The following ANK2 variants were observed in gnomAD, a reference collection of about 807,000 sequenced individuals.
ANK2 encodes the protein ankyrin 2, also known as ankyrin-2.
Under a neutral mutation model 360.5 loss-of-function variants are expected in ANK2, and 83 were observed. The ratio of observed to expected loss-of-function variants is 0.23; its 90% CI spans 0.19 to 0.28. The LOEUF (loss-of-function observed/expected upper bound fraction) is 0.28. ANK2 is among the 10% of genes least tolerant of loss of function. The pLI is 1.00. For synonymous variants in ANK2, 1,740 were observed against 1,759.5 expected (o/e 0.99, Z 0.28); for missense variants, 4,201 against 4,795.7 (o/e 0.88, Z 3.66).
At chr4:112,779,088 C>T in the ANK2 span, among the ~76,000 whole-genome samples, 4 of 152,186 alleles carry the variant, frequency 2.6e-5, no homozygotes. Flanking sequence ...AGCGATCCTG[C>T]AACCCTTATT....
At chr4:112,753,260 A>G in the ANK2 span, among the ~76,000 whole-genome samples, 1 of 152,232 alleles carries the variant, frequency 6.6e-6, no homozygotes, top group African/African-American at 2.4e-5. Flanking sequence ...GAAATCTCCA[A>G]ACCCATAGAT....
intron 28 of ANK2, among the ~76,000 whole-genome samples, chr4:113,332,818 C>G (rs951109566): frequency 6.6e-6 from 1 of 152,240 alleles, no homozygotes; most frequent in Non-Finnish European, 1.5e-5. Flanking sequence ...GTCACATGCA[C>G]TCACAGGGAA....
At chr4:113,282,949 A>G in intron 18 of ANK2, 77 bp downstream of exon 18, 1 of 1,497,800 alleles carries the variant, frequency 6.7e-7, no homozygotes, top group Non-Finnish European at 9.3e-7. Context: ...ACAGTTTGGA[A>G]CAAAAAGGAG....
the ANK2 span, among the ~76,000 whole-genome samples, chr4:112,725,842 G>A: frequency 6.6e-6 from 1 of 152,066 alleles, no homozygotes; most frequent in African/African-American, 2.4e-5. Flanking sequence ...AAGAGTTCTC[G>A]AAGATTGGTA....
intron 1 of ANK2, chr4:113,071,979 T>C (rs1223796145): frequency 2.0e-5 from 3 of 152,176 alleles, no homozygotes; most frequent in Non-Finnish European, 4.4e-5. Flanking sequence ...AGCCATCAGA[T>C]CTCATGAGAA....
At chr4:113,253,842 G>C (rs574302656) in intron 10 of ANK2, among the ~76,000 whole-genome samples, 1 of 152,136 alleles carries the variant, frequency 6.6e-6, no homozygotes, top group East Asian at 1.9e-4. Flanking sequence ...TAATCCTGTT[G>C]CCCTAAACCT....
the ANK2 span, among the ~76,000 whole-genome samples, chr4:112,708,114 A>G: frequency 6.6e-6 from 1 of 152,240 alleles, no homozygotes. Context: ...CATTTGCCTG[A>G]AAGTGATTTT....
In ANK2 at chr4:113,258,404, C is replaced by G; in HGVS notation, c.1379C>G (p.Thr460Ser). The G allele has an allele frequency of 6.2e-7, 1 of 1,613,564 alleles. No homozygotes were observed. Among genetic ancestry groups the G allele is most frequent in the Non-Finnish European group, 8.5e-7 (1 of 1,179,514 alleles). Reference protein sequence around the residue: ...LLQNGASPDVTNIRGETALHM... With the variant: ...LLQNGASPDVSNIRGETALHM... Reference sequence around the variant, plus strand: ...CAGAACGGAGCCTCTCCAGATGTCACTAACATTGTGAGTATGGCTTGGGTC... The same window carrying G: ...CAGAACGGAGCCTCTCCAGATGTCAGTAACATTGTGAGTATGGCTTGGGTC... Residue 460 changes from threonine to serine, a missense_variant, in exon 13 of 46, where the codon ACT becomes AGT. Around this residue, in one of 4 missense-constraint regions of ANK2, gnomAD observed 1,268 missense variants for 1,650.8 expected, o/e 0.77. Coordinates refer to ENST00000357077, the MANE Select transcript of ANK2 (RefSeq NM_001148.6).
At chr4:112,860,074 TAG>T (rs1379089337) in intron 1 of ANK2, among the ~76,000 whole-genome samples, 1 of 152,198 alleles carries the variant, frequency 6.6e-6, no homozygotes, top group Non-Finnish European at 1.5e-5. Flanking sequence ...GTGTCATTAT[TAG>T]AGTGTTCTGT....
intron 2 of ANK2, among the ~76,000 whole-genome samples, chr4:112,958,775 T>G (rs1374616823): frequency 6.6e-6 from 1 of 152,222 alleles, no homozygotes; most frequent in African/African-American, 2.4e-5. Context: ...GTTTATTCCT[T>G]CTCAATGATA....
At position 113,318,530 on chromosome 4, in the gene ANK2, C is replaced by T. The variant is rs2153837134; in HGVS notation, c.2810C>T (p.Ala937Val). Residue 937 changes from alanine (A) to valine (V), a missense_variant, in exon 26 of 46, where the codon GCC (alanine) becomes GTC (valine). Transcript: ENST00000357077. Reference protein sequence around the residue: ...VIPSHQVSTLAKEAERNSYRL... With the variant: ...VIPSHQVSTLVKEAERNSYRL... ...CTTTGTGTTTAGGTGTCAACTCTAG[C>T]CAAGGAGGCAGAAAGGAATTCTTAT... 1 of 1,613,540 alleles carries T rather than the reference C, an allele frequency of 6.2e-7. No individual in the cohort carries two copies. Among genetic ancestry groups the T allele is most frequent in the Admixed American group, 1.7e-5 (1 of 59,962 alleles).
At chr4:112,880,312 C>T (rs923090389) in intron 1 of ANK2, 3 of 152,198 alleles carry the variant, frequency 2.0e-5, no homozygotes, top group South Asian at 4.1e-4. Flanking sequence ...ATATTTCCAT[C>T]GTTACAGAAA....
chr4:113,121,528 T>C (rs1156866463), intron 1 of ANK2, among the ~76,000 whole-genome samples: 3 of 152,172 alleles, frequency 2.0e-5, no homozygotes, highest in African/African-American at 7.2e-5. Flanking sequence ...CACCAAAATA[T>C]TTCATGAGAT....
intron 1 of ANK2, among the ~76,000 whole-genome samples, chr4:112,847,450 T>C (rs1040263145): frequency 6.6e-6 from 1 of 152,204 alleles, no homozygotes; most frequent in South Asian, 2.1e-4. Context: ...GCTACCACTG[T>C]CTATGTCTAT....
At chr4:112,773,765 C>A in the ANK2 span, among the ~76,000 whole-genome samples, 1 of 151,982 alleles carries the variant, frequency 6.6e-6, no homozygotes, top group Non-Finnish European at 1.5e-5. Context: ...AAATCTTTAT[C>A]CACCTAAGTA....
intron 1 of ANK2, among the ~76,000 whole-genome samples, chr4:112,852,138 T>A (rs2065151320): frequency 6.6e-6 from 1 of 152,250 alleles, no homozygotes; most frequent in Non-Finnish European, 1.5e-5. Context: ...ATTGCTCTAA[T>A]ACGTATTATC....
intron 39 of ANK2, 91 bp downstream of exon 39, chr4:113,360,988 T>C (rs2096182698): frequency 2.6e-6 from 3 of 1,155,494 alleles, no homozygotes; most frequent in Non-Finnish European, 3.8e-6. Flanking sequence ...CCCCCCACTT[T>C]CTTGAGAAAG....
chr4:113,024,235 A>C (rs1417823326), intron 2 of ANK2, among the ~76,000 whole-genome samples: 1 of 152,162 alleles, frequency 6.6e-6, no homozygotes, highest in Non-Finnish European at 1.5e-5. Context: ...TCCATCACAG[A>C]GGCAGGGTTT....
At chr4:113,192,107 T>G (rs1157174313) in intron 2 of ANK2, among the ~76,000 whole-genome samples, 2 of 152,220 alleles carry the variant, frequency 1.3e-5, no homozygotes, top group Non-Finnish European at 2.9e-5. Context: ...ATACATGTGC[T>G]GAATGTGCCG....
Sources: gnomAD v4.1 joint callset for allele counts (sites outside exome capture counted in the v4.1 genomes callset) on GRCh38, gnomAD v4.1.1 for gene constraint, gnomAD v4.1.1 regional missense constraint, MANE v1.5 for transcripts, NCBI Gene and HGNC (gene_info 2026-07-23, HGNC 2026-07-21) for gene names.